DENND5A: variants seen among roughly 807,000 people sequenced by gnomAD.
DENND5A encodes the protein DENN domain containing 5A, also known as DENN domain-containing protein 5A.
A neutral mutation model predicts 140.3 loss-of-function variants in DENND5A; 64 were observed. The ratio of observed to expected loss-of-function variants is 0.46; its 90% confidence interval spans 0.37 to 0.56. The LOEUF is 0.56. Ranked by LOEUF, DENND5A falls within the 20% of genes least tolerant of loss-of-function variation. DENND5A has a pLI of 0.00. For synonymous variants in DENND5A, 605 were observed against 607.7 expected (o/e 1.00, Z 0.07); for missense variants, 1,292 against 1,593.8 (o/e 0.81, Z 3.22).
chr11:9,212,366 T>C (rs762371749), intron 1 of DENND5A, among the ~76,000 whole-genome samples: 1 of 151,988 alleles, frequency 6.6e-6, no homozygotes, highest in Non-Finnish European at 1.5e-5. Flanking sequence ...ATTTGAAGAA[T>C]TAATAATCAA....
At chr11:9,230,199 G>A (rs1850709258) in intron 1 of DENND5A, among the ~76,000 whole-genome samples, 3 of 141,262 alleles carry the variant, frequency 2.1e-5, no homozygotes, top group Non-Finnish European at 1.5e-5. Context: ...ATGAGCCACC[G>A]CGCCCGGCCC....
At chr11:9,234,948 C>CTG (rs566984181) in intron 1 of DENND5A, among the ~76,000 whole-genome samples, 2 of 152,262 alleles carry the variant, frequency 1.3e-5, no homozygotes, top group East Asian at 3.9e-4. Flanking sequence ...CTCTATATTT[C>CTG]TGTGTGTGTG....
At chr11:9,172,001 A>G (rs1170360730) in intron 8 of DENND5A, 1 of 152,226 alleles carries the variant, frequency 6.6e-6, no homozygotes. Flanking sequence ...GAGAAAAAAT[A>G]AGTGAGCTTG....
chr11:9,226,422 A>G (rs1302797912), intron 1 of DENND5A, among the ~76,000 whole-genome samples: 2 of 152,156 alleles, frequency 1.3e-5, no homozygotes, highest in African/African-American at 2.4e-5. Context: ...GATTTGTTCT[A>G]TCCTTTCCAA....
At chr11:9,194,736 T>C (rs552546748) in intron 4 of DENND5A, among the ~76,000 whole-genome samples, 1 of 152,044 alleles carries the variant, frequency 6.6e-6, no homozygotes. Context: ...TTTTTTTTTT[T>C]TGTGACGGGG....
At chr11:9,262,059 T>C (rs1852226584) in intron 1 of DENND5A, among the ~76,000 whole-genome samples, 1 of 152,190 alleles carries the variant, frequency 6.6e-6, no homozygotes, top group Admixed American at 6.6e-5. Flanking sequence ...AGCCAGATAA[T>C]TAACACATAT....
At chr11:9,247,734 T>C (rs1401864857) in intron 1 of DENND5A, among the ~76,000 whole-genome samples, 2 of 152,136 alleles carry the variant, frequency 1.3e-5, no homozygotes, top group African/African-American at 2.4e-5. Context: ...AGAGTATAGA[T>C]GGTAAATATC....
chr11:9,162,923 C>T (rs963459929), intron 11 of DENND5A, among the ~76,000 whole-genome samples: 1 of 150,980 alleles, frequency 6.6e-6, no homozygotes, highest in South Asian at 2.1e-4. Context: ...TGGCTGGAAC[C>T]GAACTCCCAG....
At chr11:9,205,075 T>C (rs1849651046) in intron 3 of DENND5A, among the ~76,000 whole-genome samples, 2 of 152,192 alleles carry the variant, frequency 1.3e-5, no homozygotes, top group South Asian at 4.1e-4. Flanking sequence ...TGCAACTTTA[T>C]ACCTAAAAAT....
intron 1 of DENND5A, among the ~76,000 whole-genome samples, chr11:9,263,866 A>G (rs917596386): frequency 2.0e-4 from 31 of 151,316 alleles, no homozygotes; most frequent in African/African-American, 4.8e-4. Context: ...AAAAAAAAAA[A>G]AAAAAGAAAC....
chr11:9,258,919 T>C (rs1240083718), intron 1 of DENND5A, among the ~76,000 whole-genome samples: 1 of 152,210 alleles, frequency 6.6e-6, no homozygotes, highest in Non-Finnish European at 1.5e-5. Context: ...CTAGCTTTCC[T>C]AGACAGTCAC....
chr11:9,249,880 T>C (rs1392984264), intron 1 of DENND5A, among the ~76,000 whole-genome samples: 1 of 151,966 alleles, frequency 6.6e-6, no homozygotes, highest in Admixed American at 6.6e-5. Flanking sequence ...AGAGACAGTG[T>C]TGCACTACGT....
chr11:9,143,227 A>T, intron 20 of DENND5A, 176 bp downstream of exon 20: 1 of 681,614 alleles, frequency 1.5e-6, no homozygotes, highest in Admixed American at 2.4e-5. Flanking sequence ...CCTGAGGCAA[A>T]GGCCCCCAGA....
chr11:9,215,720 T>C (rs1293825102), intron 1 of DENND5A, among the ~76,000 whole-genome samples: 1 of 90,888 alleles, frequency 1.1e-5, no homozygotes, highest in Non-Finnish European at 2.2e-5. Flanking sequence ...GCTAATTGTT[T>C]TTGTGTTTTA....
chr11:9,160,948 A>C, intron 11 of DENND5A, 83 bp from the exon 12 acceptor site: 2 of 1,364,930 alleles, frequency 1.5e-6, no homozygotes, highest in Non-Finnish European at 2.1e-6. Flanking sequence ...CAGCCTGCAC[A>C]GTACATCTGT....
chr11:9,253,218 T>G (rs1052882185), intron 1 of DENND5A, among the ~76,000 whole-genome samples: 13 of 151,884 alleles, frequency 8.6e-5, no homozygotes, highest in Non-Finnish European at 2.9e-5. Flanking sequence ...AAAACAAGCT[T>G]ATAAAAGGAT....
intron 16 of DENND5A, among the ~76,000 whole-genome samples, chr11:9,146,218 C>T (rs534885273): frequency 1.1e-4 from 17 of 152,288 alleles, no homozygotes; most frequent in African/African-American, 3.6e-4. Context: ...TATTGCAATC[C>T]TTTTTCCAAG....
rs188803520 is a variant in DENND5A at position 9,240,634 on chromosome 11, C to A, written c.109+24327G>T. On this transcript the variant is annotated intron_variant, in intron 1 of 22. Transcript: ENST00000328194. ...ATGAGGTGGGAGGATCACTTGAGCC[C>A]TGGAGGCAGAGTTTGCAGTGAGCTG... Among the ~76,000 whole-genome samples, 18 of 151,928 alleles carry A rather than the reference C, an allele frequency of 1.2e-4. No individual in the cohort carries two copies. The South Asian group carries it at 3.3e-3, about 28-fold the overall frequency.
intron 1 of DENND5A, among the ~76,000 whole-genome samples, chr11:9,257,937 T>C (rs914591226): frequency 1.3e-5 from 2 of 151,668 alleles, no homozygotes; most frequent in East Asian, 1.9e-4. Flanking sequence ...GGATTATAGG[T>C]GTGTGCCACC....
Sources: allele counts gnomAD v4.1 joint callset (sites outside exome capture counted in the v4.1 genomes callset), GRCh38; gene constraint gnomAD v4.1.1; transcripts MANE v1.5; gene names NCBI Gene and HGNC (gene_info 2026-07-23, HGNC 2026-07-21).